ATXN10: variants seen among roughly 807,000 people sequenced by gnomAD.
ATXN10 encodes ataxin 10.
In ATXN10, 28 loss-of-function variants were observed where a neutral mutation model predicts 52.9. The observed-to-expected ratio is 0.53, with a 90% CI of 0.39 to 0.73. The LOEUF (loss-of-function observed/expected upper bound fraction) is 0.73. ATXN10 is among the 30% of genes least tolerant of loss of function. ATXN10 has a pLI of 0.00. For missense variants in ATXN10, 565 were observed against 577.0 expected (o/e 0.98, Z 0.21); for synonymous variants, 226 against 221.5 (o/e 1.02, Z -0.18).
intron 5 of ATXN10, among the ~76,000 whole-genome samples, chr22:45,717,572 T>C (rs946658624): frequency 1.1e-4 from 17 of 152,186 alleles, no homozygotes; most frequent in African/African-American, 4.1e-4. Context: ...GTAGAGGAAA[T>C]AGAATATGTA....
intron 9 of ATXN10, among the ~76,000 whole-genome samples, chr22:45,765,776 G>A (rs1325091867): frequency 6.6e-6 from 1 of 152,094 alleles, no homozygotes; most frequent in Non-Finnish European, 1.5e-5. Context: ...CATGTGCTTA[G>A]GTAAAAAGAC....
At chr22:45,751,729 AC>A (rs1444306722) in intron 9 of ATXN10, among the ~76,000 whole-genome samples, 1 of 114,526 alleles carries the variant, frequency 8.7e-6, no homozygotes. Flanking sequence ...AAGTAGCTCT[AC>A]CTTTTTCTGG....
chr22:45,738,964 T>G, intron 8 of ATXN10, 125 bp downstream of exon 8: 2 of 894,270 alleles, frequency 2.2e-6, no homozygotes. Flanking sequence ...ATATATTTTT[T>G]TGAGAGGAAT....
In ATXN10 at chr22:45,705,351, T is replaced by C. The variant is rs929109426; in HGVS notation, c.647+2504T>C. Among the ~76,000 whole-genome samples, 3 of 152,204 alleles carry C rather than the reference T, an allele frequency of 2.0e-5. No individual in the cohort carries two copies. Among genetic ancestry groups the C allele is most frequent in the African/African-American group, 7.2e-5 (3 of 41,466 alleles). On this transcript the variant is annotated intron_variant, in intron 5 of 11. Transcript: ENST00000252934. This position sits in a 1 kb window ranked among gnomAD's most constrained non-coding sequence, Gnocchi z 5.2. ...ATTCATCTTTAAATATGTGGTAGAA[T>C]TCACTGGTGAAGCCATCTGGTCTTG...
In ATXN10 at chr22:45,770,227, C is replaced by T. The variant is rs1306779459; in HGVS notation, c.1173+29689C>T. 6.6e-6 allele frequency among the ~76,000 whole-genome samples: 1 copy of T among 152,178 alleles called. No individual in the cohort carries two copies. Among genetic ancestry groups the T allele is most frequent in the Non-Finnish European group, 1.5e-5 (1 of 68,032 alleles). On this transcript the variant is annotated intron_variant, in intron 9 of 11. Transcript: ENST00000252934. This position sits in a 1 kb window ranked among gnomAD's most constrained non-coding sequence, Gnocchi z 4.5. Reference sequence around the variant, plus strand: ...CAGCAAATATGATTGAAACCCATATCTATTTAAATCCCATCTTAAGCAGAG... The same window carrying T: ...CAGCAAATATGATTGAAACCCATATTTATTTAAATCCCATCTTAAGCAGAG...
rs184887776 is a variant in ATXN10 at position 45,688,858 on chromosome 22, C to T, written c.117-854C>T. Among the ~76,000 whole-genome samples, 25 of 152,278 alleles carry T rather than the reference C, an allele frequency of 1.6e-4. No homozygotes were observed. The highest frequency in any genetic ancestry group is 3.4e-3 in the Middle Eastern group (1 of 294). ...TAACGTTAAAAGAGATTTGCTGTTT[C>T]TTTAGGGGATTTATGGAATGAGGAA... On this transcript the variant is annotated intron_variant, in intron 1 of 11. Coordinates refer to ENST00000252934, the MANE Select transcript of ATXN10 (RefSeq NM_013236.4). The surrounding 1 kb of genome is among the most constrained non-coding windows in gnomAD (Gnocchi z 4.0).
intron 1 of ATXN10, among the ~76,000 whole-genome samples, chr22:45,687,079 T>G (rs1422397581): frequency 6.6e-6 from 1 of 152,212 alleles, no homozygotes; most frequent in South Asian, 2.1e-4. Flanking sequence ...TTAGTCGCTA[T>G]TAATAGTTAT....
intron 9 of ATXN10, among the ~76,000 whole-genome samples, chr22:45,764,397 T>C (rs1277357576): frequency 6.6e-6 from 1 of 152,122 alleles, no homozygotes; most frequent in Admixed American, 6.5e-5. Context: ...ATAAAATGTT[T>C]ACAACTCCCC....
intron 9 of ATXN10, among the ~76,000 whole-genome samples, chr22:45,800,615 A>G (rs1167475099): frequency 2.0e-5 from 3 of 152,224 alleles, no homozygotes; most frequent in African/African-American, 4.8e-5. Context: ...AAATGAAAAC[A>G]TGCACCCATG....
intron 9 of ATXN10, among the ~76,000 whole-genome samples, chr22:45,745,458 A>G: frequency 6.6e-6 from 1 of 152,174 alleles, no homozygotes; most frequent in East Asian, 1.9e-4. Context: ...TCCCTGATTT[A>G]AAATATTCCC....
intron 5 of ATXN10, among the ~76,000 whole-genome samples, chr22:45,710,920 AAGCAG>A (rs1924222509): frequency 2.6e-5 from 4 of 152,136 alleles, no homozygotes; most frequent in African/African-American, 9.7e-5. Flanking sequence ...GGCTTATCTG[AAGCAG>A]ATAAGCCTGG....
chr22:45,725,454 GT>G (rs2064486118), intron 6 of ATXN10, among the ~76,000 whole-genome samples: 1 of 110,758 alleles, frequency 9.0e-6, no homozygotes, highest in Non-Finnish European at 1.9e-5. Flanking sequence ...TTCTTGATTT[GT>G]TTCTCAGCTT....
intron 9 of ATXN10, among the ~76,000 whole-genome samples, chr22:45,803,646 T>TTCA (rs1928001606): frequency 6.6e-6 from 1 of 152,200 alleles, no homozygotes; most frequent in South Asian, 2.1e-4. Context: ...TCTCCTTATC[T>TTCA]TCATCCCAAT....
At chr22:45,810,925 C>G (rs192231603) in intron 10 of ATXN10, among the ~76,000 whole-genome samples, 34 of 151,766 alleles carry the variant, frequency 2.2e-4, no homozygotes, top group African/African-American at 8.3e-4. Context: ...GATTTATGAC[C>G]TAGTAATATG....
chr22:45,815,655 A>G (rs1928434450), intron 10 of ATXN10, among the ~76,000 whole-genome samples: 1 of 148,132 alleles, frequency 6.8e-6, no homozygotes, highest in Admixed American at 6.7e-5. Flanking sequence ...TCTTTGTTGG[A>G]AAAAATTGTT....
intron 8 of ATXN10, among the ~76,000 whole-genome samples, chr22:45,739,478 C>G (rs1925426155): frequency 1.3e-5 from 2 of 152,206 alleles, no homozygotes; most frequent in Admixed American, 6.5e-5. Context: ...GACTTTGTGT[C>G]TAGCAGTATA....
In ATXN10 at chr22:45,732,214, C is replaced by T. The variant is rs1317280698; in HGVS notation, c.894+2624C>T. 3.9e-5 allele frequency among the ~76,000 whole-genome samples: 6 copies of T among 151,976 alleles called. No individual in the cohort carries two copies. Among genetic ancestry groups the T allele is most frequent in the East Asian group, 1.9e-4 (1 of 5,194 alleles). ...TGCCCGTAATCCCAATACTTTGGGA[C>T]GCCAAGGCGTGGGAGGATTGCTTAA... On this transcript the variant is annotated intron_variant, in intron 7 of 11. Coordinates refer to ENST00000252934, the MANE Select transcript of ATXN10 (RefSeq NM_013236.4). This position sits in a 1 kb window ranked among gnomAD's most constrained non-coding sequence, Gnocchi z 4.5.
chr22:45,697,121 T>G (rs1433867145), intron 3 of ATXN10, among the ~76,000 whole-genome samples: 3 of 152,126 alleles, frequency 2.0e-5, no homozygotes, highest in Non-Finnish European at 4.4e-5. Context: ...AACTACCATC[T>G]CTACCTAATT....
chr22:45,758,194 G>A (rs558466559), intron 9 of ATXN10, among the ~76,000 whole-genome samples: 4 of 152,294 alleles, frequency 2.6e-5, no homozygotes, highest in East Asian at 3.9e-4. Flanking sequence ...CACACTGCTC[G>A]TGTCCCTCGG....
Sources: allele counts gnomAD v4.1 joint callset (sites outside exome capture counted in the v4.1 genomes callset), GRCh38; gene constraint gnomAD v4.1.1; non-coding constraint Gnocchi (gnomAD v3.1); transcripts MANE v1.5; gene names NCBI Gene and HGNC (gene_info 2026-07-23, HGNC 2026-07-21).